Variants in ZMAT4 observed in about 807,000 individuals in gnomAD.
The protein encoded by ZMAT4 is zinc finger matrin-type 4.
In ZMAT4, 17 loss-of-function variants were observed where a neutral mutation model predicts 28.7. That is an observed-to-expected ratio of 0.59 (90% CI 0.41 to 0.89). The LOEUF (loss-of-function observed/expected upper bound fraction) is 0.89, where lower values mean the gene tolerates loss of function less well. ZMAT4 is among the 40% of genes least tolerant of loss of function. The pLI, the probability that ZMAT4 is intolerant of heterozygous loss-of-function variation, is 0.00. For synonymous variants in ZMAT4, 117 were observed against 109.2 expected (o/e 1.07, Z -0.44); for missense variants, 240 against 283.8 (o/e 0.85, Z 1.11).
chr8:40,847,572 G>A (rs971316487), intron 1 of ZMAT4, among the ~76,000 whole-genome samples: 21 of 152,308 alleles, frequency 1.4e-4, no homozygotes, highest in African/African-American at 3.8e-4. Flanking sequence ...GGAAATTTCC[G>A]CTTCTTCCTC....
intron 5 of ZMAT4, among the ~76,000 whole-genome samples, chr8:40,653,958 C>T (rs987227068): frequency 1.4e-4 from 21 of 152,120 alleles, no homozygotes; most frequent in African/African-American, 3.4e-4. Context: ...TGTATGTTGG[C>T]CCCGGGTTGG....
At chr8:40,843,488 A>T (rs1816772780) in intron 1 of ZMAT4, among the ~76,000 whole-genome samples, 1 of 152,224 alleles carries the variant, frequency 6.6e-6, no homozygotes, top group East Asian at 1.9e-4. Flanking sequence ...CTGCTTTTAC[A>T]GGGGACAGAA....
chr8:40,621,903 T>C (rs1459235138), intron 5 of ZMAT4, among the ~76,000 whole-genome samples: 2 of 152,222 alleles, frequency 1.3e-5, no homozygotes, highest in East Asian at 3.8e-4. Flanking sequence ...GTTTTCCTAT[T>C]TCAGTTGTGG....
intron 5 of ZMAT4, among the ~76,000 whole-genome samples, chr8:40,585,408 AG>A (rs2118559460): frequency 6.6e-6 from 1 of 152,242 alleles, no homozygotes; most frequent in Non-Finnish European, 1.5e-5. Flanking sequence ...CTAGATTCCC[AG>A]GCAAAACTTC....
In ZMAT4 at chr8:40,866,307, C is replaced by G. The variant is rs1201214249; in HGVS notation, c.-5+31376G>C. Among the ~76,000 whole-genome samples the G allele has an allele frequency of 3.3e-5, 5 of 152,196 alleles. No individual in the cohort carries two copies. The South Asian group carries it at 1.0e-3, about 31-fold the overall frequency. ...AAGGGTTCTGCACACAATGCTGGTG[C>G]CCCAGGGCTGGCACTGGGACGCCCC... On this transcript the variant is annotated intron_variant, in intron 1 of 6. Coordinates refer to ENST00000297737, the MANE Select transcript of ZMAT4 (RefSeq NM_024645.3).
chr8:40,601,468 G>GAAAAAA (rs1563359930), intron 5 of ZMAT4, among the ~76,000 whole-genome samples: 5 of 19,974 alleles, frequency 2.5e-4, no homozygotes, highest in East Asian at 1.2e-3. Context: ...GAGGAAGAAA[G>GAAAAAA]GAAAGAAAGA....
At chr8:40,858,715 C>A (rs1257479073) in intron 1 of ZMAT4, among the ~76,000 whole-genome samples, 29 of 152,158 alleles carry the variant, frequency 1.9e-4, no homozygotes, top group Admixed American at 1.9e-3. Context: ...AAGAGCCCAC[C>A]TCAGTCTTCA....
At chr8:40,551,794 T>A (rs535264735) in intron 6 of ZMAT4, among the ~76,000 whole-genome samples, 1 of 152,334 alleles carries the variant, frequency 6.6e-6, no homozygotes, top group South Asian at 2.1e-4. Flanking sequence ...TCTGCACTTG[T>A]AATTTCTCAT....
chr8:40,873,820 C>T (rs1354876112), intron 1 of ZMAT4, among the ~76,000 whole-genome samples: 1 of 152,162 alleles, frequency 6.6e-6, no homozygotes, highest in African/African-American at 2.4e-5. Flanking sequence ...TTTTTAACTT[C>T]TATTGTTTTT....
intron 5 of ZMAT4, among the ~76,000 whole-genome samples, chr8:40,662,793 C>A (rs1370996770): frequency 1.3e-5 from 2 of 152,096 alleles, no homozygotes; most frequent in Non-Finnish European, 2.9e-5. Context: ...GAAACGTTGA[C>A]CTTGTCAAGG....
At chr8:40,687,707 T>A (rs541832709) in intron 4 of ZMAT4, among the ~76,000 whole-genome samples, 3 of 152,332 alleles carry the variant, frequency 2.0e-5, no homozygotes, top group South Asian at 4.1e-4. Context: ...ATTTACCACA[T>A]ATACTACAGT....
intron 5 of ZMAT4, among the ~76,000 whole-genome samples, chr8:40,610,597 G>A (rs1805759877): frequency 6.6e-6 from 1 of 152,138 alleles, no homozygotes; most frequent in Admixed American, 6.6e-5. Flanking sequence ...TTGGATGAAA[G>A]CAGGAACAAT....
At chr8:40,736,958 C>A (rs946229825) in intron 3 of ZMAT4, among the ~76,000 whole-genome samples, 94 of 152,192 alleles carry the variant, frequency 6.2e-4, no homozygotes, top group Non-Finnish European at 1.2e-4. Context: ...ATAGAGGTAG[C>A]TCTGACTGGA....
rs541445387 is a variant in ZMAT4, at chr8:40,610,272, A to G, written c.578-29011T>C. Reference sequence around the variant, plus strand: ...CATCAATCAACTTAAAGAAGACCCAAACAAATTTTTTGTATGCACAAAGAA... The same window carrying G: ...CATCAATCAACTTAAAGAAGACCCAGACAAATTTTTTGTATGCACAAAGAA... On this transcript the variant is annotated intron_variant, in intron 5 of 6. Coordinates refer to ENST00000297737, the MANE Select transcript of ZMAT4 (RefSeq NM_024645.3). Among the ~76,000 whole-genome samples, 3 of 152,308 alleles carry G rather than the reference A, an allele frequency of 2.0e-5. No homozygotes were observed. The East Asian group carries it at 5.8e-4, about 29-fold the overall frequency.
At chr8:40,740,809 A>G (rs538818471) in intron 3 of ZMAT4, among the ~76,000 whole-genome samples, 113 of 152,302 alleles carry the variant, frequency 7.4e-4, no homozygotes, top group African/African-American at 2.5e-3. Context: ...GTGTTGAAGG[A>G]CTGAGATGCT....
chr8:40,845,377 G>A (rs1178527670), intron 1 of ZMAT4, among the ~76,000 whole-genome samples: 2 of 152,112 alleles, frequency 1.3e-5, no homozygotes, highest in Non-Finnish European at 2.9e-5. Flanking sequence ...CCACAGAAGA[G>A]GACAAAAAGT....
intron 6 of ZMAT4, among the ~76,000 whole-genome samples, chr8:40,540,142 G>A (rs1282055928): frequency 6.6e-6 from 1 of 152,164 alleles, no homozygotes; most frequent in African/African-American, 2.4e-5. Flanking sequence ...TGAGTGCAAA[G>A]AGGTTCCCAG....
intron 5 of ZMAT4, among the ~76,000 whole-genome samples, chr8:40,657,621 G>C (rs1807984770): frequency 6.6e-6 from 1 of 152,100 alleles, no homozygotes; most frequent in Non-Finnish European, 1.5e-5. Context: ...TCAGCAATTT[G>C]ACCATTATGT....
chr8:40,667,506 G>A (rs1808470722), intron 5 of ZMAT4, among the ~76,000 whole-genome samples: 1 of 152,124 alleles, frequency 6.6e-6, no homozygotes, highest in Non-Finnish European at 1.5e-5. Flanking sequence ...CGCAAGTATT[G>A]TGAGGATCCA....
Sources: allele counts gnomAD v4.1 joint callset (sites outside exome capture counted in the v4.1 genomes callset), GRCh38; gene constraint gnomAD v4.1.1; transcripts MANE v1.5; gene names NCBI Gene and HGNC (gene_info 2026-07-23, HGNC 2026-07-21).